The following SSBP3 variants were observed in gnomAD, a reference collection of about 807,000 sequenced individuals.
The protein encoded by SSBP3 is single stranded DNA binding protein 3.
Under a neutral mutation model 69.6 loss-of-function variants are expected in SSBP3, and 5 were observed. That is an observed-to-expected ratio of 0.07 (90% CI 0.04 to 0.15). The LOEUF (loss-of-function observed/expected upper bound fraction) is 0.15. SSBP3 is among the 10% of genes least tolerant of loss of function. The pLI, the probability that SSBP3 is intolerant of heterozygous loss-of-function variation, is 1.00. For missense variants in SSBP3, 312 were observed against 534.0 expected, an observed-to-expected ratio of 0.58 and a Z score of 4.10; for synonymous variants, 196 against 193.4, an observed-to-expected ratio of 1.01 and a Z score of -0.11.
At chr1:54,311,374 G>GGGTCCAAGC (rs1645998763) in intron 4 of SSBP3, among the ~76,000 whole-genome samples, 1 of 152,176 alleles carries the variant, frequency 6.6e-6, no homozygotes, top group Admixed American at 6.5e-5. Flanking sequence ...ATGTCAAAGT[G>GGGTCCAAGC]GGTCCAAGCC....
intron 4 of SSBP3, among the ~76,000 whole-genome samples, chr1:54,304,105 G>A (rs1275107977): frequency 1.3e-5 from 2 of 152,116 alleles, no homozygotes; most frequent in Non-Finnish European, 2.9e-5. Flanking sequence ...GTGGCAAAGG[G>A]GGTACTCCTG....
chr1:54,385,649 C>T (rs570967211), intron 4 of SSBP3, among the ~76,000 whole-genome samples: 28 of 152,220 alleles, frequency 1.8e-4, no homozygotes, highest in Non-Finnish European at 3.7e-4. Context: ...TCTAAACGTG[C>T]CCCAGAATCA....
intron 4 of SSBP3, among the ~76,000 whole-genome samples, chr1:54,400,334 A>C (rs1465993950): frequency 6.6e-6 from 1 of 151,854 alleles, no homozygotes; most frequent in Admixed American, 6.6e-5. Context: ...AGCAGTCAAA[A>C]ACTAGCAACA....
chr1:54,350,602 A>G (rs780005180), intron 4 of SSBP3, among the ~76,000 whole-genome samples: 17 of 152,170 alleles, frequency 1.1e-4, no homozygotes, highest in Admixed American at 3.3e-4. Flanking sequence ...AGCAGCAAGT[A>G]ATTTTCTAAT....
Position 54,310,422 on chromosome 1 carries a change from C to T in SSBP3, c.277-28895G>A, listed in dbSNP as rs193005368. 5.0e-3 allele frequency among the ~76,000 whole-genome samples: 757 copies of T among 152,192 alleles called. 20 individuals are homozygous for T. Among genetic ancestry groups the T allele is most frequent in the Admixed American group, 0.045 (685 of 15,282 alleles). On this transcript the variant is annotated intron_variant, in intron 4 of 17. Coordinates refer to ENST00000610401, the Ensembl canonical transcript of SSBP3. The stretch of plus-strand genomic sequence containing the variant: ...CTGGGGGGTGGGCTGGGGGAAAATG[C>T]AGAGTTGGGTACACATAAGAAAAGA...
intron 4 of SSBP3, among the ~76,000 whole-genome samples, chr1:54,316,647 CAAA>C (rs1199647407): frequency 1.8e-4 from 6 of 34,082 alleles, no homozygotes; most frequent in African/African-American, 6.5e-4. Flanking sequence ...GACTCCGTCT[CAAA>C]AAAAAAAAAT....
intron 4 of SSBP3, among the ~76,000 whole-genome samples, chr1:54,298,930 A>AACACACACACACACACACACACAC (rs10525954): frequency 0.025 from 3,430 of 137,148 alleles, 128 homozygotes; most frequent in East Asian, 0.097. Flanking sequence ...ACAAAAACAA[A>AACACACACACACACACACACACAC]ACACACACAC....
chr1:54,253,913 T>C (rs1232734458), intron 7 of SSBP3, among the ~76,000 whole-genome samples: 1 of 152,206 alleles, frequency 6.6e-6, no homozygotes, highest in African/African-American at 2.4e-5. Context: ...AACCCTCCTA[T>C]GTGTCGGAAC....
intron 4 of SSBP3, among the ~76,000 whole-genome samples, chr1:54,344,324 C>T (rs1172921852): frequency 1.3e-5 from 2 of 152,184 alleles, no homozygotes; most frequent in South Asian, 4.1e-4. Flanking sequence ...AGACACAAAA[C>T]CAATCTACTT....
intron 4 of SSBP3, among the ~76,000 whole-genome samples, chr1:54,365,865 C>T (rs1647022079): frequency 6.6e-6 from 1 of 152,174 alleles, no homozygotes; most frequent in African/African-American, 2.4e-5. Context: ...AACTAGTTTG[C>T]CTATGCTCAA....
At chr1:54,345,966 A>AC (rs1217913973) in intron 4 of SSBP3, among the ~76,000 whole-genome samples, 4 of 145,886 alleles carry the variant, frequency 2.7e-5, no homozygotes, top group African/African-American at 7.7e-5. Context: ...ACATGGTGAA[A>AC]CCCCGTCTCC....
intron 4 of SSBP3, among the ~76,000 whole-genome samples, chr1:54,384,484 C>T (rs1647932145): frequency 6.6e-6 from 1 of 152,252 alleles, no homozygotes; most frequent in African/African-American, 2.4e-5. Context: ...GCGTCAGGGC[C>T]TCAGTTTACA....
At position 54,225,983 on chromosome 1, in the gene SSBP3, A is replaced by T. The variant is rs559333526; in HGVS notation, c.*1148T>A. 5.2e-5 allele frequency: 8 copies of T among 152,402 alleles called. No individual in the cohort carries two copies. In the South Asian group the frequency reaches 1.7e-3, roughly 32 times the overall value. The allele number at this position is 152,402 out of a possible 1,614,324, so 9.4% of individuals were successfully genotyped here. On this transcript the variant is annotated 3_prime_UTR_variant, in exon 18 of 18. Coordinates refer to ENST00000610401, the Ensembl canonical transcript of SSBP3. ...CATCTTTGAGAAAGGACGAATAAAG[A>T]GAAAAAACAAAGAAAACCGGAACTC...
At chr1:54,330,401 C>T (rs1197358506) in intron 4 of SSBP3, among the ~76,000 whole-genome samples, 1 of 152,118 alleles carries the variant, frequency 6.6e-6, no homozygotes, top group African/African-American at 2.4e-5. Flanking sequence ...TGGCCTGGCC[C>T]CCTACACCTC....
chr1:54,405,029 C>T (rs1336960679), intron 1 of SSBP3, 99 bp from the exon 2 acceptor site: 2 of 1,098,944 alleles, frequency 1.8e-6, no homozygotes, highest in South Asian at 1.3e-5. Context: ...CCTGTCTGCG[C>T]CGTCCCATTG....
intron 4 of SSBP3, among the ~76,000 whole-genome samples, chr1:54,384,451 A>AAAC (rs759195548): frequency 6.6e-6 from 1 of 152,188 alleles, no homozygotes; most frequent in African/African-American, 2.4e-5. Flanking sequence ...TCAGCCAACA[A>AAAC]ATGTTGAGTG....
At chr1:54,404,670 A>T in intron 2 of SSBP3, 33 bp from the exon 3 acceptor site, 2 of 1,613,370 alleles carry the variant, frequency 1.2e-6, no homozygotes, top group Non-Finnish European at 1.7e-6. Context: ...AGCTTAGAGG[A>T]GCAGAGACGG....
intron 4 of SSBP3, among the ~76,000 whole-genome samples, chr1:54,299,361 G>A (rs1457291842): frequency 2.0e-5 from 3 of 152,174 alleles, no homozygotes; most frequent in African/African-American, 7.2e-5. Context: ...GCACACCTCA[G>A]GCACTGGTCC....
At chr1:54,393,238 C>A (rs888022161) in intron 4 of SSBP3, among the ~76,000 whole-genome samples, 6 of 152,166 alleles carry the variant, frequency 3.9e-5, no homozygotes, top group Non-Finnish European at 8.8e-5. Context: ...GGTTTGGAAG[C>A]GGCATATGTG....
Sources: gnomAD v4.1 joint callset for allele counts (sites outside exome capture counted in the v4.1 genomes callset) on GRCh38, gnomAD v4.1.1 for gene constraint, MANE v1.5 for transcripts, NCBI Gene and HGNC (gene_info 2026-07-23, HGNC 2026-07-21) for gene names.